The following ASAP1 variants were observed in gnomAD, a reference collection of about 807,000 sequenced individuals.
ASAP1 encodes the protein arf-GAP with SH3 domain, ANK repeat and PH domain-containing protein 1.
Under a neutral mutation model 145.2 loss-of-function variants are expected in ASAP1, and 43 were observed. The ratio of observed to expected loss-of-function variants is 0.30; its 90% CI spans 0.23 to 0.38. ASAP1 has a LOEUF of 0.38. ASAP1 is among the 10% of genes least tolerant of loss of function. ASAP1 has a pLI of 1.00. For synonymous variants in ASAP1, 546 were observed against 515.5 expected, an observed-to-expected ratio of 1.06 and a Z score of -0.80; for missense variants, 1,018 against 1,355.3, an observed-to-expected ratio of 0.75 and a Z score of 3.91.
chr8:130,068,974 T>C (rs998062963), intron 27 of ASAP1, among the ~76,000 whole-genome samples: 1 of 152,170 alleles, frequency 6.6e-6, no homozygotes, highest in Non-Finnish European at 1.5e-5. Context: ...CTTCCCTTCA[T>C]GGGTCTTATA....
intron 25 of ASAP1, chr8:130,083,642 G>A (rs2097486304): frequency 1.3e-5 from 2 of 152,130 alleles, no homozygotes; most frequent in South Asian, 4.1e-4. Flanking sequence ...TAAAGTACGG[G>A]ACACAGTGCT....
At chr8:130,435,295 T>G (rs988895701) in intron 1 of ASAP1, among the ~76,000 whole-genome samples, 10 of 152,230 alleles carry the variant, frequency 6.6e-5, no homozygotes, top group African/African-American at 2.2e-4. Context: ...AGCATCTTAG[T>G]AAGTCTTTTG....
chr8:130,367,181 C>T lies in ASAP1; in HGVS notation c.60-9038G>A, dbSNP rs371080637. Reference sequence around the variant, plus strand: ...CTGGGATTACAGGTGTGAGCCACCACACCCGGCCGCTAGATACTTTAAGAG... The same window carrying T: ...CTGGGATTACAGGTGTGAGCCACCATACCCGGCCGCTAGATACTTTAAGAG... On this transcript the variant is annotated intron_variant, in intron 2 of 29. Coordinates refer to ENST00000518721, the MANE Select transcript of ASAP1 (RefSeq NM_018482.4). Among the ~76,000 whole-genome samples the T allele has an allele frequency of 4.4e-4, 67 of 152,162 alleles. 1 individual carries two copies. In the East Asian group the frequency reaches 8.3e-3, roughly 19 times the overall value.
intron 3 of ASAP1, among the ~76,000 whole-genome samples, chr8:130,276,720 ACACACACACT>A (rs1226372603): frequency 5.4e-4 from 63 of 117,598 alleles, no homozygotes; most frequent in African/African-American, 1.6e-3. Flanking sequence ...ACACACACAC[ACACACACACT>A]CTCTCTCTCT....
intron 1 of ASAP1, among the ~76,000 whole-genome samples, chr8:130,416,467 A>C (rs1395709005): frequency 6.6e-6 from 1 of 152,246 alleles, no homozygotes; most frequent in Non-Finnish European, 1.5e-5. Flanking sequence ...GTCAGTTCCC[A>C]GCTGCCGACC....
In ASAP1 at chr8:130,052,168, A is replaced by G. The variant is rs2097394277; in HGVS notation, c.*2563T>C. The G allele has an allele frequency of 6.5e-6, 1 of 152,682 alleles. No individual in the cohort carries two copies. 9.5% of individuals were successfully genotyped at this position (152,682 alleles called of 1,614,324 possible). A position where few individuals can be genotyped will look rare whatever the true frequency, so the allele number is the denominator to read the frequency against. The stretch of plus-strand genomic sequence containing the variant: ...TTAAATATTAAAAAAAGTAGAAATT[A>G]ACACATACAGTACTGAAAAACTGTC... On this transcript the variant is annotated 3_prime_UTR_variant, in exon 30 of 30. Transcript: ENST00000518721.
At chr8:130,168,001 G>A (rs2097683443) in intron 10 of ASAP1, among the ~76,000 whole-genome samples, 1 of 152,108 alleles carries the variant, frequency 6.6e-6, no homozygotes, top group South Asian at 2.1e-4. Context: ...GAGTCTAATG[G>A]GCCAATGCAT....
At chr8:130,294,309 T>C (rs926006380) in intron 3 of ASAP1, among the ~76,000 whole-genome samples, 2 of 152,212 alleles carry the variant, frequency 1.3e-5, no homozygotes, top group African/African-American at 2.4e-5. Flanking sequence ...ATGAGGGTAA[T>C]GCCACGGAGC....
At chr8:130,319,220 T>C (rs1426577123) in intron 3 of ASAP1, among the ~76,000 whole-genome samples, 1 of 152,242 alleles carries the variant, frequency 6.6e-6, no homozygotes. Flanking sequence ...CCCTCATTTA[T>C]GTTACTGTTG....
chr8:130,110,544 A>G (rs2097544984), intron 24 of ASAP1, among the ~76,000 whole-genome samples: 1 of 152,210 alleles, frequency 6.6e-6, no homozygotes, highest in Non-Finnish European at 1.5e-5. Context: ...CTGCAGCTTG[A>G]TATGTGAGTG....
chr8:130,300,178 AGAGAGAGAGCGAGC>A lies in ASAP1; in HGVS notation c.186+57825_186+57838del, dbSNP rs1822568161. On this transcript the variant is annotated intron_variant, in intron 3 of 29. Transcript: ENST00000518721. ...CAGAGAGAGAGAGAGAGAGAGAGAG[AGAGAGAGAGCGAGC>A]GAGCGAGCAGTCAATACAAAAGGCT... Among the ~76,000 whole-genome samples, 3 of 149,642 alleles carry A rather than the reference AGAGAGAGAGCGAGC, an allele frequency of 2.0e-5. No individual in the cohort carries two copies. The South Asian group carries it at 6.5e-4, about 32-fold the overall frequency.
chr8:130,110,681 A>G (rs2097545242), intron 24 of ASAP1, among the ~76,000 whole-genome samples: 1 of 152,212 alleles, frequency 6.6e-6, no homozygotes, highest in Admixed American at 6.5e-5. Context: ...TGTTCATGCC[A>G]AAGCGTTATT....
At chr8:130,293,878 G>A (rs1822096342) in intron 3 of ASAP1, among the ~76,000 whole-genome samples, 1 of 152,198 alleles carries the variant, frequency 6.6e-6, no homozygotes, top group Non-Finnish European at 1.5e-5. Context: ...TGTGCACCAT[G>A]TGCCTTGCAA....
chr8:130,137,815 A>G (rs967764553), intron 13 of ASAP1, among the ~76,000 whole-genome samples: 3 of 152,204 alleles, frequency 2.0e-5, no homozygotes, highest in Non-Finnish European at 4.4e-5. Context: ...CTCACCACGT[A>G]TTCACACTGG....
At chr8:130,171,546 A>T (rs1019542831) in intron 9 of ASAP1, among the ~76,000 whole-genome samples, 5 of 152,170 alleles carry the variant, frequency 3.3e-5, no homozygotes, top group African/African-American at 1.2e-4. Context: ...CCATGACTCA[A>T]TTAACTCCAC....
At chr8:130,177,833 C>T (rs1243473022) in intron 9 of ASAP1, among the ~76,000 whole-genome samples, 1 of 152,138 alleles carries the variant, frequency 6.6e-6, no homozygotes, top group African/African-American at 2.4e-5. Flanking sequence ...CAGCTGTCAA[C>T]ACATACAAGG....
intron 24 of ASAP1, among the ~76,000 whole-genome samples, chr8:130,100,300 A>AT (rs2097526441): frequency 6.6e-6 from 1 of 151,758 alleles, no homozygotes; most frequent in South Asian, 2.1e-4. Context: ...CTTATTAGCC[A>AT]TTTATATGTC....
chr8:130,076,435 T>A, intron 26 of ASAP1, 29 bp from the exon 27 acceptor site: 1 of 1,525,440 alleles, frequency 6.6e-7, no homozygotes. Flanking sequence ...TCATTTAGGA[T>A]CTAAAAGTGC....
At chr8:130,276,100 G>T (rs1201260317) in intron 3 of ASAP1, among the ~76,000 whole-genome samples, 1 of 152,194 alleles carries the variant, frequency 6.6e-6, no homozygotes, top group Non-Finnish European at 1.5e-5. Flanking sequence ...GCTTTGCCCT[G>T]ACAAAAGATG....
Sources: gnomAD v4.1 joint callset for allele counts (sites outside exome capture counted in the v4.1 genomes callset) on GRCh38, gnomAD v4.1.1 for gene constraint, MANE v1.5 for transcripts, NCBI Gene and HGNC (gene_info 2026-07-23, HGNC 2026-07-21) for gene names.